PIP5K1C: variants seen among roughly 807,000 people sequenced by gnomAD.
The protein encoded by PIP5K1C is phosphatidylinositol-4-phosphate 5-kinase type 1 gamma, also known as phosphatidylinositol 4-phosphate 5-kinase type-1 gamma.
A neutral mutation model predicts 80.1 loss-of-function variants in PIP5K1C; 45 were observed. The ratio of observed to expected loss-of-function variants is 0.56; its 90% CI spans 0.44 to 0.72. The LOEUF is 0.72. Among genes scored for constraint, PIP5K1C ranks in the 30% least tolerant of loss-of-function variants. The probability of loss-of-function intolerance (pLI) is 0.00; values close to 1 mark genes in which losing one functional copy is unlikely to be tolerated. For synonymous variants in PIP5K1C, 498 were observed against 420.1 expected (o/e 1.19, Z -2.27); for missense variants, 753 against 954.6 (o/e 0.79, Z 2.78).
At chr19:3,634,009 T>C (rs2033568923) in intron 16 of PIP5K1C, among the ~76,000 whole-genome samples, 1 of 151,990 alleles carries the variant, frequency 6.6e-6, no homozygotes, top group Admixed American at 6.5e-5. Context: ...GACCTGAATA[T>C]ATGGCTGCCT....
rs756033390 is a variant in PIP5K1C at position 3,656,393 on chromosome 19, C to T, written c.621+12G>A. 4.3e-6 allele frequency: 7 copies of T among 1,613,016 alleles called. No individual in the cohort carries two copies. Among genetic ancestry groups the T allele is most frequent in the Admixed American group, 3.3e-5 (2 of 60,038 alleles). Reference sequence around the variant, plus strand: ...CCGAGGAGCCATCTGCCCCGCAGGGCGGGCCACGCACCATGTAGTAGCCAG... The same window carrying T: ...CCGAGGAGCCATCTGCCCCGCAGGGTGGGCCACGCACCATGTAGTAGCCAG... On this transcript the variant is annotated intron_variant, in intron 6 of 17. Coordinates refer to ENST00000335312, the MANE Select transcript of PIP5K1C (RefSeq NM_012398.3).
At position 3,675,387 on chromosome 19, in the gene PIP5K1C, T is replaced by C. The variant is rs369454181; in HGVS notation, c.95-8034A>G. On this transcript the variant is annotated intron_variant, in intron 1 of 17. Transcript: ENST00000335312. Reference sequence around the variant, plus strand: ...TCAGTTTGCTTGTCTCTAAAGGAGGTTGGGGGACTTGGTCAAGGCTTGACC... The same window carrying C: ...TCAGTTTGCTTGTCTCTAAAGGAGGCTGGGGGACTTGGTCAAGGCTTGACC... Among the ~76,000 whole-genome samples, 177 of 151,912 alleles carry C rather than the reference T, an allele frequency of 1.2e-3. 1 individual carries two copies. Among genetic ancestry groups the C allele is most frequent in the Non-Finnish European group, 1.9e-3 (131 of 67,944 alleles).
chr19:3,652,767 C>A (rs1313339464), intron 7 of PIP5K1C, among the ~76,000 whole-genome samples: 2 of 152,152 alleles, frequency 1.3e-5, no homozygotes, highest in Non-Finnish European at 2.9e-5. Flanking sequence ...GCAGTCATCC[C>A]ATTTGATGGG....
At position 3,633,532 on chromosome 19, in the gene PIP5K1C, G is replaced by A. The variant is rs1277835260; in HGVS notation, c.1921-12C>T. 2.7e-6 allele frequency: 4 copies of A among 1,488,792 alleles called. No homozygotes were observed. Among genetic ancestry groups the A allele is most frequent in the East Asian group, 2.4e-5 (1 of 42,250 alleles). 92.2% of individuals were successfully genotyped at this position (1,488,792 alleles called of 1,614,324 possible). On this transcript the variant is annotated splice_polypyrimidine_tract_variant and intron_variant, in intron 16 of 17. Transcript: ENST00000335312. ...CTCTCATCGGTGGGCTGGCAGGTGG[G>A]CGCGCGTGCAGGAGGGCGCGGAAGA...
chr19:3,654,927 G>T (rs183108565), intron 6 of PIP5K1C, among the ~76,000 whole-genome samples: 3 of 152,038 alleles, frequency 2.0e-5, no homozygotes, highest in African/African-American at 7.2e-5. Context: ...GACCAACACG[G>T]TGAAACCCCA....
chr19:3,660,175 T>C (rs1309961917), intron 5 of PIP5K1C, among the ~76,000 whole-genome samples: 4 of 152,020 alleles, frequency 2.6e-5, no homozygotes, highest in Non-Finnish European at 4.4e-5. Context: ...GGTCAGGAGA[T>C]CGAGACCATC....
At chr19:3,633,338 C>T (rs967117072) in intron 17 of PIP5K1C, 99 bp downstream of exon 17, 16 of 951,448 alleles carry the variant, frequency 1.7e-5, no homozygotes, top group Non-Finnish European at 2.5e-5. Flanking sequence ...TGCCCTCCCG[C>T]CCCGGGCCTC....
At chr19:3,682,372 T>TA (rs369608211) in intron 1 of PIP5K1C, among the ~76,000 whole-genome samples, 18,770 of 111,120 alleles carry the variant, frequency 0.17, 1,470 homozygotes, top group Non-Finnish European at 0.2. Flanking sequence ...AGACTCCATC[T>TA]AAAAAAAAAA....
At position 3,637,796 on chromosome 19, in the gene PIP5K1C, C is replaced by CA; in HGVS notation, c.1920+1087_1920+1088insT. The CA allele has an allele frequency of 6.5e-7, 1 of 1,534,460 alleles. No individual in the cohort carries two copies. Among genetic ancestry groups the CA allele is most frequent in the East Asian group, 2.4e-5 (1 of 40,906 alleles). ...AGGGGCAGGACCGAGGACCCTTCTC[C>CA]CTTCTCTGCTGCCCACCTGGCAGGG... On this transcript the variant is annotated intron_variant, in intron 16 of 17. Transcript: ENST00000335312. This position sits in a 1 kb window ranked among gnomAD's most constrained non-coding sequence, Gnocchi z 7.0.
In PIP5K1C at chr19:3,667,763, AGTCAACAACTGAGCAG is replaced by A. The variant is rs370074994; in HGVS notation, c.95-426_95-411del. Reference sequence around the variant, plus strand: ...CACACCCAGACATGAGGTTCTGGGCAGTCAACAACTGAGCAGGTCTGAACTGACCAAGCCCCGCTTC... The same window carrying A: ...CACACCCAGACATGAGGTTCTGGGCAGTCTGAACTGACCAAGCCCCGCTTC... On this transcript the variant is annotated intron_variant, in intron 1 of 17. Transcript: ENST00000335312. Among the ~76,000 whole-genome samples, 520 of 152,350 alleles carry A rather than the reference AGTCAACAACTGAGCAG, an allele frequency of 3.4e-3. 5 individuals carry two copies. The highest frequency in any genetic ancestry group is 0.012 in the African/African-American group (496 of 41,586).
At chr19:3,674,291 T>C (rs1309490932) in intron 1 of PIP5K1C, 1 of 152,254 alleles carries the variant, frequency 6.6e-6, no homozygotes, top group African/African-American at 2.4e-5. Context: ...ACACAGTTGT[T>C]TGAAGCTTCT....
At chr19:3,682,770 G>T (rs551713747) in intron 1 of PIP5K1C, among the ~76,000 whole-genome samples, 1 of 152,138 alleles carries the variant, frequency 6.6e-6, no homozygotes, top group Admixed American at 6.5e-5. Context: ...GCCTTCAGAG[G>T]AGGCAGTCCC....
rs1340497482 is a variant in PIP5K1C, at chr19:3,700,320, G to A, written c.71C>T (p.Ala24Val). 9 of 1,293,606 alleles carry A rather than the reference G, an allele frequency of 7.0e-6. No individual in the cohort carries two copies. The highest frequency in any genetic ancestry group is 5.5e-5 in the Admixed American group (2 of 36,040). 80.1% of individuals were successfully genotyped at this position (1,293,606 alleles called of 1,614,324 possible). A position where few individuals can be genotyped will look rare whatever the true frequency, so the allele number is the denominator to read the frequency against. The change falls in exon 1 of 18, where the codon GCG (alanine) becomes GTG (valine). Residue 24 changes from alanine to valine, a missense_variant. By Grantham distance (64) the Ala-to-Val change is moderately conservative. Coordinates refer to ENST00000335312, the MANE Select transcript of PIP5K1C (RefSeq NM_012398.3). Reference protein sequence around the residue: ...AGAVPSEAAWAAESGAAAGLA... With the variant: ...AGAVPSEAAWVAESGAAAGLA... ...ACCTGCCGCCGCCCCGCTCTCTGCC[G>A]CCCACGCCGCCTCCGAGGGCACGGC...
chr19:3,644,206 A>C lies in PIP5K1C; in HGVS notation c.1391T>G (p.Leu464Arg). The C allele has an allele frequency of 6.2e-7, 1 of 1,612,546 alleles. No individual in the cohort carries two copies. The highest frequency in any genetic ancestry group is 2.2e-5 in the East Asian group (1 of 44,872). Residue 464 changes from leucine to arginine, a missense_variant, in exon 12 of 18, where the codon CTA (leucine) becomes CGA (arginine). Transcript: ENST00000335312. ...GGTGGGCCCCAGCGGTTTCACAGCT[A>C]GCAAGGCTCCGCCGCGCCCCTTCTT... Reference protein sequence around the residue: ...PSKKGRGGALLAVKPLGPTAA... With the variant: ...PSKKGRGGALRAVKPLGPTAA...
rs998716582 is a variant in PIP5K1C, at chr19:3,696,586, T to A, written c.94+3711A>T. Reference sequence around the variant, plus strand: ...GCGCTAAGGGAGCAAAGGACACAGATGGGAGGAGGGGCATTCCGGGGTGGG... The same window carrying A: ...GCGCTAAGGGAGCAAAGGACACAGAAGGGAGGAGGGGCATTCCGGGGTGGG... On this transcript the variant is annotated intron_variant, in intron 1 of 17. Transcript: ENST00000335312. The surrounding 1 kb of genome is among the most constrained non-coding windows in gnomAD (Gnocchi z 4.1). Among the ~76,000 whole-genome samples the A allele has an allele frequency of 7.0e-5, 1 of 14,346 alleles. No individual in the cohort carries two copies. Among genetic ancestry groups the A allele is most frequent in the Non-Finnish European group, 1.4e-4 (1 of 7,288 alleles). The allele number at this position is 14,346 out of a possible 152,430, so 9.4% of individuals were successfully genotyped here.
At position 3,675,922 on chromosome 19, in the gene PIP5K1C, G is replaced by A. The variant is rs576562080; in HGVS notation, c.95-8569C>T. ...GGGGGGCAGGATGACCCCAGGTGATGCCCCGCTTCAGTAGCCCCTGAGGTT... is the reference window on the plus strand; with the variant it reads ...GGGGGGCAGGATGACCCCAGGTGATACCCCGCTTCAGTAGCCCCTGAGGTT... On this transcript the variant is annotated intron_variant, in intron 1 of 17. Transcript: ENST00000335312. Among the ~76,000 whole-genome samples the A allele has an allele frequency of 8.5e-5, 13 of 152,316 alleles. No homozygotes were observed. The East Asian group carries it at 2.1e-3, about 25-fold the overall frequency.
At position 3,651,129 on chromosome 19, in the gene PIP5K1C, A is replaced by G. The variant is rs930744895; in HGVS notation, c.1127+697T>C. Among the ~76,000 whole-genome samples, 4 of 144,896 alleles carry G rather than the reference A, an allele frequency of 2.8e-5. 1 individual carries two copies. Among genetic ancestry groups the G allele is most frequent in the African/African-American group, 1.0e-4 (4 of 38,414 alleles). ...GAGTGCAGTGGTGTGATCTTGGCTC[A>G]CTGCAACCTCCGCCTGCCACGCTCA... On this transcript the variant is annotated intron_variant, in intron 8 of 17. Coordinates refer to ENST00000335312, the MANE Select transcript of PIP5K1C (RefSeq NM_012398.3).
intron 1 of PIP5K1C, among the ~76,000 whole-genome samples, chr19:3,690,423 C>T (rs142548806): frequency 4.5e-4 from 68 of 149,842 alleles, no homozygotes; most frequent in African/African-American, 1.3e-3. Flanking sequence ...GTCGAGGCTG[C>T]GGTGAGCTAC....
intron 16 of PIP5K1C, 136 bp from the exon 17 acceptor site, chr19:3,633,656 G>T: frequency 1.9e-6 from 1 of 531,720 alleles, no homozygotes; most frequent in Non-Finnish European, 3.0e-6. Flanking sequence ...GGGTGGCTCA[G>T]CCCAGCTGCC....
Sources: gnomAD v4.1 joint callset for allele counts (sites outside exome capture counted in the v4.1 genomes callset) on GRCh38, gnomAD v4.1.1 for gene constraint, Gnocchi (gnomAD v3.1) non-coding constraint, MANE v1.5 for transcripts, NCBI Gene and HGNC (gene_info 2026-07-23, HGNC 2026-07-21) for gene names.